UBR3: variants seen among roughly 807,000 people sequenced by gnomAD.
The protein encoded by UBR3 is E3 ubiquitin-protein ligase UBR3.
In UBR3, 85 loss-of-function variants were observed where a neutral mutation model predicts 243.2. That is an observed-to-expected ratio of 0.35 (90% CI 0.29 to 0.42). The LOEUF (loss-of-function observed/expected upper bound fraction) is 0.42, where lower values mean the gene tolerates loss of function less well. UBR3 is among the 10% of genes least tolerant of loss of function. The pLI is 1.00. For synonymous variants in UBR3, 748 were observed against 799.8 expected, an observed-to-expected ratio of 0.94 and a Z score of 1.09; for missense variants, 1,686 against 2,300.8, an observed-to-expected ratio of 0.73 and a Z score of 5.47.
intron 1 of UBR3, among the ~76,000 whole-genome samples, chr2:169,834,307 C>T (rs1198427587): frequency 6.6e-6 from 1 of 152,052 alleles, no homozygotes; most frequent in Non-Finnish European, 1.5e-5. Flanking sequence ...ATGATTTTTG[C>T]GGTCAGTCCC....
chr2:169,906,467 G>A (rs2085013442), intron 10 of UBR3, among the ~76,000 whole-genome samples: 1 of 151,848 alleles, frequency 6.6e-6, no homozygotes, highest in South Asian at 2.1e-4. Context: ...GAGTAGGATA[G>A]TCCTCAATAT....
At chr2:169,976,493 T>A (rs532109737) in intron 24 of UBR3, among the ~76,000 whole-genome samples, 4 of 152,172 alleles carry the variant, frequency 2.6e-5, no homozygotes, top group African/African-American at 4.8e-5. Context: ...AGACTTTATT[T>A]CTCCATTATT....
intron 26 of UBR3, 85 bp from the exon 27 acceptor site, chr2:170,001,219 C>A: frequency 2.2e-6 from 2 of 911,410 alleles, no homozygotes; most frequent in Non-Finnish European, 3.4e-6. Context: ...GGAAATCATG[C>A]AGAGGTTTAT....
At chr2:169,975,214 C>T (rs978478820) in intron 24 of UBR3, among the ~76,000 whole-genome samples, 4 of 152,106 alleles carry the variant, frequency 2.6e-5, no homozygotes, top group African/African-American at 9.7e-5. Context: ...TTCCTTGATC[C>T]ATTGGTTGTT....
At chr2:169,989,612 A>G (rs2089185914) in intron 25 of UBR3, among the ~76,000 whole-genome samples, 1 of 152,162 alleles carries the variant, frequency 6.6e-6, no homozygotes, top group Non-Finnish European at 1.5e-5. Flanking sequence ...TATAAAAGAA[A>G]TTTCACTTCA....
chr2:169,893,126 T>G (rs2084438378), intron 6 of UBR3, among the ~76,000 whole-genome samples: 1 of 152,214 alleles, frequency 6.6e-6, no homozygotes, highest in African/African-American at 2.4e-5. Flanking sequence ...TGCTTTAACA[T>G]CTTGGGAGAC....
intron 10 of UBR3, among the ~76,000 whole-genome samples, chr2:169,912,394 C>T (rs1307098304): frequency 1.3e-5 from 2 of 152,142 alleles, no homozygotes; most frequent in Non-Finnish European, 2.9e-5. Context: ...TTGGAAACCA[C>T]TAATCTTCTT....
chr2:169,950,521 T>C (rs2086973492), intron 23 of UBR3, among the ~76,000 whole-genome samples: 1 of 152,116 alleles, frequency 6.6e-6, no homozygotes, highest in African/African-American at 2.4e-5. Context: ...AAACACATTC[T>C]GACTAACTTA....
At chr2:170,027,156 A>G (rs2090550294) in intron 30 of UBR3, among the ~76,000 whole-genome samples, 1 of 151,798 alleles carries the variant, frequency 6.6e-6, no homozygotes, top group Non-Finnish European at 1.5e-5. Flanking sequence ...TAGAATAACT[A>G]TTAAGAGTGA....
At chr2:169,879,064 A>G (rs1436225069) in intron 5 of UBR3, among the ~76,000 whole-genome samples, 1 of 151,982 alleles carries the variant, frequency 6.6e-6, no homozygotes, top group Non-Finnish European at 1.5e-5. Flanking sequence ...AAAGACCATC[A>G]ATTTGAAATT....
intron 5 of UBR3, among the ~76,000 whole-genome samples, chr2:169,883,229 T>G (rs149974160): frequency 6.6e-6 from 1 of 152,306 alleles, no homozygotes; most frequent in Non-Finnish European, 1.5e-5. Flanking sequence ...AGATCTAAGA[T>G]GGCTCACTCA....
intron 24 of UBR3, among the ~76,000 whole-genome samples, chr2:169,975,791 G>A (rs948960402): frequency 4.6e-5 from 7 of 151,936 alleles, no homozygotes; most frequent in African/African-American, 1.7e-4. Flanking sequence ...AGAGCAGCAA[G>A]ACTCTGTCTC....
chr2:169,852,765 G>A (rs1454973734), intron 1 of UBR3, among the ~76,000 whole-genome samples: 1 of 142,780 alleles, frequency 7.0e-6, no homozygotes, highest in Admixed American at 7.4e-5. Flanking sequence ...GCCGGAGAAT[G>A]GCTTGAACCC....
chr2:169,901,258 T>C (rs1007395295), intron 8 of UBR3, among the ~76,000 whole-genome samples: 4 of 152,196 alleles, frequency 2.6e-5, no homozygotes, highest in Non-Finnish European at 5.9e-5. Context: ...GAAATTCTTA[T>C]ACAAATTGAA....
At chr2:169,967,244 C>CCCCCG (rs2087858630) in intron 24 of UBR3, among the ~76,000 whole-genome samples, 1 of 112,180 alleles carries the variant, frequency 8.9e-6, no homozygotes, top group Non-Finnish European at 1.9e-5. Flanking sequence ...CCCCCACCCC[C>CCCCCG]CTACAGGGTA....
At chr2:170,045,943 T>C (rs1293998943) in intron 32 of UBR3, among the ~76,000 whole-genome samples, 1 of 151,364 alleles carries the variant, frequency 6.6e-6, no homozygotes, top group African/African-American at 2.4e-5. Context: ...AGTGTTCAAA[T>C]TCCATAGTTG....
chr2:169,954,686 T>C lies in UBR3; in HGVS notation c.3546-3752T>C, dbSNP rs189251768. On this transcript the variant is annotated intron_variant, in intron 23 of 38. Coordinates refer to ENST00000272793, the MANE Select transcript of UBR3 (RefSeq NM_172070.4). The stretch of plus-strand genomic sequence containing the variant: ...TGCCTCCTAGGTTCAAACAGTTCTC[T>C]GCCTCAGCCTCCCGAGTAGCTGGGA... Among the ~76,000 whole-genome samples, 1,458 of 150,802 alleles carry C rather than the reference T, an allele frequency of 9.7e-3. 83 individuals are homozygous for C. Among genetic ancestry groups the C allele is most frequent in the Admixed American group, 0.085 (1,291 of 15,140 alleles).
In UBR3 at chr2:169,878,532, A is replaced by G. The variant is rs1025281982; in HGVS notation, c.996A>G (p.Ile332Met). The change falls in exon 5 of 39, where the codon ATA (isoleucine) becomes ATG (methionine). Residue 332 changes from isoleucine to methionine, a missense_variant. Coordinates refer to ENST00000272793, the MANE Select transcript of UBR3 (RefSeq NM_172070.4). The part of the protein sequence containing the change: ...GTSSLAVQGF[I>M]GATGTLGQVD... ...TTTTCTTCTCCTCCAAAGGTTTCATAGGCGCAACAGGAACTTTGGGACAAG... is the reference window on the plus strand; with the variant it reads ...TTTTCTTCTCCTCCAAAGGTTTCATGGGCGCAACAGGAACTTTGGGACAAG... 7 of 1,551,304 alleles carry G rather than the reference A, an allele frequency of 4.5e-6. No homozygotes were observed. The highest frequency in any genetic ancestry group is 2.4e-5 in the East Asian group (1 of 40,884).
At position 170,063,249 on chromosome 2, in the gene UBR3, C is replaced by T. The variant is rs188477255; in HGVS notation, c.5019+1806C>T. Among the ~76,000 whole-genome samples, 448 of 152,044 alleles carry T rather than the reference C, an allele frequency of 2.9e-3. 3 individuals carry two copies. Among genetic ancestry groups the T allele is most frequent in the African/African-American group, 0.01 (423 of 41,460 alleles). ...ATCATACTATACTTGTTTCTTGAGA[C>T]CGAGAGACATGAACTTTTAGGGAAA... On this transcript the variant is annotated intron_variant, in intron 35 of 38. Transcript: ENST00000272793.
Sources: gnomAD v4.1 joint callset for allele counts (sites outside exome capture counted in the v4.1 genomes callset) on GRCh38, gnomAD v4.1.1 for gene constraint, MANE v1.5 for transcripts, NCBI Gene and HGNC (gene_info 2026-07-23, HGNC 2026-07-21) for gene names.